Variants in DNER observed in about 807,000 individuals in gnomAD.
DNER encodes delta/notch like EGF repeat containing.
In DNER, 33 loss-of-function variants were observed where a neutral mutation model predicts 78.2. The observed-to-expected ratio is 0.42, with a 90% CI of 0.32 to 0.56. DNER has a LOEUF of 0.56. Among genes scored for constraint, DNER ranks in the 20% least tolerant of loss-of-function variants. DNER has a pLI of 0.11. For synonymous variants in DNER, 417 were observed against 384.8 expected, an observed-to-expected ratio of 1.08 and a Z score of -0.98; for missense variants, 918 against 975.3, an observed-to-expected ratio of 0.94 and a Z score of 0.78.
rs181257592 is a variant in DNER at position 229,523,128 on chromosome 2, A to T, written c.994-10192T>A. Among the ~76,000 whole-genome samples the T allele has an allele frequency of 6.4e-4, 98 of 152,106 alleles. 1 individual carries two copies. The highest frequency in any genetic ancestry group is 1.0e-3 in the Non-Finnish European group (68 of 67,956). ...ACTGAGTGGGAATGGGAAGGGGGTG[A>T]CCCCCTAAGGCCTCATCCACTCTTA... On this transcript the variant is annotated intron_variant, in intron 5 of 12. Transcript: ENST00000341772.
At chr2:229,575,703 G>T (rs957390255) in intron 4 of DNER, among the ~76,000 whole-genome samples, 11 of 152,202 alleles carry the variant, frequency 7.2e-5, no homozygotes, top group African/African-American at 2.6e-4. Context: ...CCAGCTCCAG[G>T]GACAGACGTA....
At chr2:229,434,416 A>T (rs1407972566) in intron 8 of DNER, among the ~76,000 whole-genome samples, 2 of 152,242 alleles carry the variant, frequency 1.3e-5, no homozygotes, top group Non-Finnish European at 2.9e-5. Context: ...CAAGGGCTGA[A>T]GCTGACAGTC....
At chr2:229,437,741 C>T (rs1240103695) in intron 8 of DNER, among the ~76,000 whole-genome samples, 1 of 152,048 alleles carries the variant, frequency 6.6e-6, no homozygotes, top group Non-Finnish European at 1.5e-5. Context: ...AAGTAGAGAA[C>T]TAAAAACAAC....
At chr2:229,360,464 G>A (rs576405661) in intron 12 of DNER, among the ~76,000 whole-genome samples, 1 of 152,136 alleles carries the variant, frequency 6.6e-6, no homozygotes, top group Non-Finnish European at 1.5e-5. Context: ...AGGCTGGAGT[G>A]CAGTGGCGTG....
chr2:229,588,287 G>A (rs1216740989), intron 3 of DNER, 107 bp downstream of exon 3: 6 of 974,814 alleles, frequency 6.2e-6, no homozygotes, highest in East Asian at 2.5e-5. Context: ...ATCTGTTCAC[G>A]ATTCTCACTT....
intron 4 of DNER, among the ~76,000 whole-genome samples, chr2:229,548,006 T>C (rs1461671868): frequency 1.3e-5 from 2 of 152,224 alleles, no homozygotes; most frequent in East Asian, 3.8e-4. Flanking sequence ...TAAAACAAAA[T>C]ATCGAAATTA....
At chr2:229,504,383 C>T (rs1442734205) in intron 6 of DNER, among the ~76,000 whole-genome samples, 1 of 152,006 alleles carries the variant, frequency 6.6e-6, no homozygotes, top group Non-Finnish European at 1.5e-5. Flanking sequence ...CCATGCCTGG[C>T]TAATTTTTGT....
intron 8 of DNER, among the ~76,000 whole-genome samples, chr2:229,423,946 T>A (rs1412866075): frequency 2.6e-5 from 4 of 152,194 alleles, no homozygotes; most frequent in Non-Finnish European, 5.9e-5. Flanking sequence ...GATTATCACG[T>A]CTCTTCCTCC....
At chr2:229,685,900 A>G (rs748539312) in intron 1 of DNER, among the ~76,000 whole-genome samples, 7 of 152,070 alleles carry the variant, frequency 4.6e-5, no homozygotes, top group Non-Finnish European at 1.0e-4. Context: ...GAGGCATCGG[A>G]GGAGGGCTCC....
intron 1 of DNER, among the ~76,000 whole-genome samples, chr2:229,628,034 G>A (rs896373764): frequency 6.6e-6 from 1 of 152,168 alleles, no homozygotes; most frequent in Admixed American, 6.5e-5. Context: ...CTGACCAATA[G>A]AGCAGGGTAG....
At chr2:229,423,014 A>G (rs1693799323) in intron 8 of DNER, among the ~76,000 whole-genome samples, 1 of 152,168 alleles carries the variant, frequency 6.6e-6, no homozygotes, top group Non-Finnish European at 1.5e-5. Flanking sequence ...GAGGTCACTG[A>G]ACACCCTCAA....
intron 8 of DNER, among the ~76,000 whole-genome samples, chr2:229,425,926 T>A (rs1188742511): frequency 6.6e-6 from 1 of 151,842 alleles, no homozygotes; most frequent in African/African-American, 2.4e-5. Flanking sequence ...AAGGCAAGAG[T>A]GAATTTACGG....
intron 8 of DNER, among the ~76,000 whole-genome samples, chr2:229,424,809 G>T (rs1693839213): frequency 6.6e-6 from 1 of 152,088 alleles, no homozygotes; most frequent in African/African-American, 2.4e-5. Context: ...TTGGTATTTT[G>T]GACCAGATCA....
chr2:229,507,271 G>A (rs1399562657), intron 6 of DNER, among the ~76,000 whole-genome samples: 2 of 152,176 alleles, frequency 1.3e-5, no homozygotes. Flanking sequence ...ATCACTGACT[G>A]TCAGTATGTG....
intron 1 of DNER, among the ~76,000 whole-genome samples, chr2:229,634,600 T>A (rs896121251): frequency 6.6e-6 from 1 of 152,220 alleles, no homozygotes; most frequent in African/African-American, 2.4e-5. Flanking sequence ...TTTGAACTTA[T>A]AATGTAAGGC....
At chr2:229,648,312 A>G (rs758922891) in intron 1 of DNER, among the ~76,000 whole-genome samples, 1 of 152,234 alleles carries the variant, frequency 6.6e-6, no homozygotes, top group Non-Finnish European at 1.5e-5. Context: ...AAAAGCAACT[A>G]CATTATGTAA....
intron 8 of DNER, among the ~76,000 whole-genome samples, chr2:229,418,796 C>A (rs1693703473): frequency 6.6e-6 from 1 of 152,080 alleles, no homozygotes; most frequent in Non-Finnish European, 1.5e-5. Flanking sequence ...TGGCGGGCGC[C>A]TGTAATCCCA....
At position 229,647,748 on chromosome 2, in the gene DNER, T is replaced by C. The variant is rs146399423; in HGVS notation, c.277-55860A>G. ...TGTCAGTCAATGATTGAAAAGCAAT[T>C]TTTGTATGATATGTGATGACATGCA... On this transcript the variant is annotated intron_variant, in intron 1 of 12. Coordinates refer to ENST00000341772, the MANE Select transcript of DNER (RefSeq NM_139072.4). Among the ~76,000 whole-genome samples the C allele has an allele frequency of 5.4e-3, 821 of 152,322 alleles. 9 individuals are homozygous for C. The highest frequency in any genetic ancestry group is 0.018 in the African/African-American group (760 of 41,568).
chr2:229,554,720 G>A (rs1696816063), intron 4 of DNER, among the ~76,000 whole-genome samples: 1 of 151,560 alleles, frequency 6.6e-6, no homozygotes, highest in Non-Finnish European at 1.5e-5. Flanking sequence ...ATAAAAATTA[G>A]TTGGGCGTGA....
Sources: allele counts gnomAD v4.1 joint callset (sites outside exome capture counted in the v4.1 genomes callset), GRCh38; gene constraint gnomAD v4.1.1; transcripts MANE v1.5; gene names NCBI Gene and HGNC (gene_info 2026-07-23, HGNC 2026-07-21).